Variants in TMEM275 observed in about 807,000 individuals in gnomAD.
The protein encoded by TMEM275 is transmembrane protein 275.
Position 46,533,335 on chromosome 1 carries a change from C to T in TMEM275, c.193G>A (p.Val65Met), listed in dbSNP as rs980071686. 8 of 373,976 alleles carry T rather than the reference C, an allele frequency of 2.1e-5. No individual in the cohort carries two copies. The highest frequency in any genetic ancestry group is 1.3e-4 in the South Asian group (1 of 7,706). The allele number at this position is 373,976 out of a possible 1,614,324, so 23.2% of individuals were successfully genotyped here. ...GCCAGCACCAGCAGCGCCAGCCCCA[C>T]GACGAGCAGCGCGTTGTGCTCGGGC... Residue 65 changes from valine (V) to methionine (M), a missense_variant, in exon 2 of 2, where the codon GTG (valine) becomes ATG (methionine). By Grantham distance (21) the Val-to-Met change is conservative (BLOSUM62 1). Transcript: ENST00000634804. The surrounding 1 kb of genome is among the most constrained non-coding windows in gnomAD (Gnocchi z 4.4).
At chr1:46,534,924 G>A (rs3737740) in intron 1 of TMEM275, among the ~76,000 whole-genome samples, 187 bp downstream of exon 1, 28,660 of 152,100 alleles carry the variant, frequency 0.19, 2,791 homozygotes, top group Admixed American at 0.26. Context: ...CCACCTCATA[G>A]GGTACAGTGA....
rs12730970 is a variant in TMEM275, at chr1:46,533,257, G to C, written c.271C>G (p.Arg91Gly). The change falls in exon 2 of 2, where the codon CGT (arginine) becomes GGT (glycine). Residue 91 changes from arginine to glycine, a missense_variant. Physicochemically the swap from Arg to Gly is moderately radical, Grantham distance 125. Coordinates refer to ENST00000634804, the Ensembl canonical transcript of TMEM275. This position sits in a 1 kb window ranked among gnomAD's most constrained non-coding sequence, Gnocchi z 4.4. ...CCCGCCGCGGCCGCCGAGCGCCCACGGGGCGCGAGGCCCCGGCGGCTACAC... is the reference window on the plus strand; with the variant it reads ...CCCGCCGCGGCCGCCGAGCGCCCACCGGGCGCGAGGCCCCGGCGGCTACAC... The C allele has an allele frequency of 1.3e-4, 43 of 339,368 alleles. 1 individual carries two copies. Among genetic ancestry groups the C allele is most frequent in the African/African-American group, 7.8e-4 (36 of 46,196 alleles). The allele number at this position is 339,368 out of a possible 1,614,324, so 21.0% of individuals were successfully genotyped here. A position where few individuals can be genotyped will look rare whatever the true frequency, so the allele number is the denominator to read the frequency against.
At chr1:46,534,403 A>G (rs913563939) in intron 1 of TMEM275, among the ~76,000 whole-genome samples, 52 bp downstream of exon 2, 2 of 152,142 alleles carry the variant, frequency 1.3e-5, no homozygotes, top group Non-Finnish European at 2.9e-5. Flanking sequence ...GAGCAGATCT[A>G]AAGCACCAGG....
At chr1:46,535,021 G>C (rs538998875) in intron 1 of TMEM275, among the ~76,000 whole-genome samples, 90 bp downstream of exon 1, 18 of 152,360 alleles carry the variant, frequency 1.2e-4, no homozygotes, top group African/African-American at 3.8e-4. Flanking sequence ...CTGGTTGACA[G>C]AGAAGGGAGT....
intron 1 of TMEM275, among the ~76,000 whole-genome samples, 38 bp downstream of exon 1, chr1:46,535,073 G>T (rs889236585): frequency 5.3e-5 from 8 of 152,194 alleles, no homozygotes; most frequent in African/African-American, 1.9e-4. Flanking sequence ...GTTGGTTTTG[G>T]AAACAGAAAA....
rs1569916935 is a variant in TMEM275 at position 46,533,560 on chromosome 1, C to T, written c.-33G>A. 5.2e-6 allele frequency: 2 copies of T among 387,510 alleles called. No individual in the cohort carries two copies. Among genetic ancestry groups the T allele is most frequent in the Non-Finnish European group, 4.6e-6 (1 of 218,882 alleles). 24.0% of individuals were successfully genotyped at this position (387,510 alleles called of 1,614,324 possible). A position where few individuals can be genotyped will look rare whatever the true frequency, so the allele number is the denominator to read the frequency against. On this transcript the variant is annotated 5_prime_UTR_variant, in exon 2 of 2. Transcript: ENST00000634804. This position sits in a 1 kb window ranked among gnomAD's most constrained non-coding sequence, Gnocchi z 4.4. ...CGCACGCCAGGCACGCATCAAGCTC[C>T]CTCCTGCCGCCGGCCCGGAACAGCC...
In TMEM275 at chr1:46,533,940, T is replaced by C. The variant is rs1460389689; in HGVS notation, c.-123-290A>G. On this transcript the variant is annotated intron_variant, in intron 1 of 1. Transcript: ENST00000634804. The surrounding 1 kb of genome is among the most constrained non-coding windows in gnomAD (Gnocchi z 4.4). ...ACCCCTCTCCTCCAGGAAGCCTACC[T>C]GAACTCATTTGAGTGAGATAGTGGC... Among the ~76,000 whole-genome samples the C allele has an allele frequency of 6.6e-6, 1 of 152,188 alleles. No homozygotes were observed. Among genetic ancestry groups the C allele is most frequent in the Admixed American group, 6.5e-5 (1 of 15,286 alleles).
rs956484763 is a variant in TMEM275, at chr1:46,533,938, C to T, written c.-123-288G>A. On this transcript the variant is annotated intron_variant, in intron 1 of 1. Coordinates refer to ENST00000634804, the Ensembl canonical transcript of TMEM275. The surrounding 1 kb of genome is among the most constrained non-coding windows in gnomAD (Gnocchi z 4.4). Reference sequence around the variant, plus strand: ...CAACCCCTCTCCTCCAGGAAGCCTACCTGAACTCATTTGAGTGAGATAGTG... The same window carrying T: ...CAACCCCTCTCCTCCAGGAAGCCTATCTGAACTCATTTGAGTGAGATAGTG... Among the ~76,000 whole-genome samples the T allele has an allele frequency of 9.2e-5, 14 of 152,200 alleles. No homozygotes were observed. The highest frequency in any genetic ancestry group is 1.6e-4 in the Non-Finnish European group (11 of 68,034).
In TMEM275 at chr1:46,533,262, G is replaced by A; in HGVS notation, c.266C>T (p.Ala89Val). The A allele has an allele frequency of 2.9e-6, 1 of 341,190 alleles. No homozygotes were observed. Among genetic ancestry groups the A allele is most frequent in the Non-Finnish European group, 5.3e-6 (1 of 189,184 alleles). The allele number at this position is 341,190 out of a possible 1,614,324, so 21.1% of individuals were successfully genotyped here. The change falls in exon 2 of 2, where the codon GCG becomes GTG. Residue 89 changes from alanine (A) to valine (V), a missense_variant. By Grantham distance (64) the Ala-to-Val change is moderately conservative (BLOSUM62 0). Coordinates refer to ENST00000634804, the Ensembl canonical transcript of TMEM275. The surrounding 1 kb of genome is among the most constrained non-coding windows in gnomAD (Gnocchi z 4.4). The stretch of plus-strand genomic sequence containing the variant: ...CGCGGCCGCCGAGCGCCCACGGGGC[G>A]CGAGGCCCCGGCGGCTACACACGCA...
chr1:46,532,855 G>A, exon 2 of TMEM275: 1 of 384,566 alleles, frequency 2.6e-6, no homozygotes. Context: ...CCCAGCACCA[G>A]ACCCTTGTAA....
chr1:46,534,266 A>C (rs1666710366), intron 1 of TMEM275, among the ~76,000 whole-genome samples, 189 bp downstream of exon 2: 1 of 152,096 alleles, frequency 6.6e-6, no homozygotes, highest in African/African-American at 2.4e-5. Context: ...TAGGCATAGC[A>C]ATGACACTGA....
Position 46,533,241 on chromosome 1 carries a change from G to A in TMEM275, c.287C>T (p.Ala96Val). 9.1e-6 allele frequency: 3 copies of A among 329,740 alleles called. 1 individual carries two copies. Among genetic ancestry groups the A allele is most frequent in the Non-Finnish European group, 1.6e-5 (3 of 182,858 alleles). 20.4% of individuals were successfully genotyped at this position (329,740 alleles called of 1,614,324 possible). The change falls in exon 2 of 2, where the codon GCC becomes GTC. Residue 96 changes from alanine (A) to valine (V), a missense_variant. Ala to Val is a moderately conservative substitution (Grantham distance 64, BLOSUM62 0). Transcript: ENST00000634804. This position sits in a 1 kb window ranked among gnomAD's most constrained non-coding sequence, Gnocchi z 4.4. ...GCCACCCTGGCCCGGGCCCGCCGCG[G>A]CCGCCGAGCGCCCACGGGGCGCGAG... is the stretch of plus-strand genomic sequence containing the variant.
At position 46,533,015 on chromosome 1, in the gene TMEM275, G is replaced by C. The variant is rs1040002848; in HGVS notation, c.513C>G (p.Pro171=). The change falls in exon 2 of 2, where the codon CCC becomes CCG. Residue 171 remains proline, a synonymous_variant. Transcript: ENST00000634804. The surrounding 1 kb of genome is among the most constrained non-coding windows in gnomAD (Gnocchi z 4.4). The stretch of plus-strand genomic sequence containing the variant: ...TCCGCTAGGGGGCGGCGCGCGCCCG[G>C]GGTGGGTTGAGCTGGACTCCTTCCG... The C allele has an allele frequency of 1.3e-5, 5 of 396,386 alleles. No homozygotes were observed. The highest frequency in any genetic ancestry group is 1.0e-4 in the African/African-American group (5 of 48,516). 24.6% of individuals were successfully genotyped at this position (396,386 alleles called of 1,614,324 possible).
Position 46,533,413 on chromosome 1 carries a change from C to A in TMEM275, c.115G>T (p.Ala39Ser), listed in dbSNP as rs1666696467. 1 of 379,202 alleles carries A rather than the reference C, an allele frequency of 2.6e-6. No homozygotes were observed. The highest frequency in any genetic ancestry group is 1.3e-4 in the South Asian group (1 of 7,728). 23.5% of individuals were successfully genotyped at this position (379,202 alleles called of 1,614,324 possible). A position where few individuals can be genotyped will look rare whatever the true frequency, so the allele number is the denominator to read the frequency against. The change falls in exon 2 of 2, where the codon GCG (alanine) becomes TCG (serine). Residue 39 changes from alanine to serine, a missense_variant. By Grantham distance (99) the Ala-to-Ser change is moderately conservative (BLOSUM62 1). Coordinates refer to ENST00000634804, the Ensembl canonical transcript of TMEM275. The surrounding 1 kb of genome is among the most constrained non-coding windows in gnomAD (Gnocchi z 4.4). ...GTCACGTTCACGCCCGCCAGCAGCG[C>A]GCACAGACCGCAGGCGCAGCACAGC...
rs1338412245 is a variant in TMEM275, at chr1:46,533,421, C to T, written c.107G>A (p.Gly36Asp). The change falls in exon 2 of 2, where the codon GGT becomes GAT. Residue 36 changes from glycine (G) to aspartate (D), a missense_variant. Transcript: ENST00000634804. This position sits in a 1 kb window ranked among gnomAD's most constrained non-coding sequence, Gnocchi z 4.4. ...CACGCCCGCCAGCAGCGCGCACAGA[C>T]CGCAGGCGCAGCACAGCGCCGGCGA... The T allele has an allele frequency of 4.2e-5, 16 of 379,958 alleles. No homozygotes were observed. The highest frequency in any genetic ancestry group is 7.0e-5 in the Non-Finnish European group (15 of 214,022). 23.5% of individuals were successfully genotyped at this position (379,958 alleles called of 1,614,324 possible). A position where few individuals can be genotyped will look rare whatever the true frequency, so the allele number is the denominator to read the frequency against.
chr1:46,534,636 G>A lies in TMEM275; in HGVS notation c.-123-986C>T, dbSNP rs184520737. 1.3e-3 allele frequency among the ~76,000 whole-genome samples: 203 copies of A among 152,308 alleles called. 2 individuals are homozygous for A. The highest frequency in any genetic ancestry group is 4.0e-3 in the Admixed American group (61 of 15,298). On this transcript the variant is annotated intron_variant, in intron 1 of 1. Transcript: ENST00000634804. ...ATAAAATTAGAGTCTAGGGATTTAT[G>A]ATTTCTATTTGAGAATTCTGTTCTA...
rs549885893 is a variant in TMEM275, at chr1:46,533,476, G to C, written c.52C>G (p.Arg18Gly). The change falls in exon 2 of 2, where the codon CGC becomes GGC. Residue 18 changes from arginine (R) to glycine (G), a missense_variant. Coordinates refer to ENST00000634804, the Ensembl canonical transcript of TMEM275. This position sits in a 1 kb window ranked among gnomAD's most constrained non-coding sequence, Gnocchi z 4.4. The stretch of plus-strand genomic sequence containing the variant: ...AGGCCGGGCACCCGGCCCCGGGCGC[G>C]TTCCGCGGGCGCCGGGACCGGTGGC... The C allele has an allele frequency of 1.4e-3, 554 of 388,338 alleles. 6 individuals are homozygous for C. The highest frequency in any genetic ancestry group is 0.011 in the African/African-American group (515 of 48,126). 24.1% of individuals were successfully genotyped at this position (388,338 alleles called of 1,614,324 possible).
rs1666701096 is a variant in TMEM275 at position 46,533,575 on chromosome 1, C to G, written c.-48G>C. On this transcript the variant is annotated 5_prime_UTR_variant, in exon 2 of 2. Transcript: ENST00000634804. This position sits in a 1 kb window ranked among gnomAD's most constrained non-coding sequence, Gnocchi z 4.4. ...CATCAAGCTCCCTCCTGCCGCCGGC[C>G]CGGAACAGCCCAACTGCCAGGAGCC... 2.6e-6 allele frequency: 1 copy of G among 385,294 alleles called. No individual in the cohort carries two copies. The highest frequency in any genetic ancestry group is 3.7e-5 in the East Asian group (1 of 26,980). 23.9% of individuals were successfully genotyped at this position (385,294 alleles called of 1,614,324 possible).
In TMEM275 at chr1:46,533,059, C is replaced by A. The variant is rs1028482269; in HGVS notation, c.469G>T (p.Ala157Ser). 16 of 395,342 alleles carry A rather than the reference C, an allele frequency of 4.0e-5. No individual in the cohort carries two copies. The Admixed American group carries it at 4.4e-4, about 11-fold the overall frequency. The allele number at this position is 395,342 out of a possible 1,614,324, so 24.5% of individuals were successfully genotyped here. A position where few individuals can be genotyped will look rare whatever the true frequency, so the allele number is the denominator to read the frequency against. The change falls in exon 2 of 2, where the codon GCC (alanine) becomes TCC (serine). Residue 157 changes from alanine to serine, a missense_variant. By Grantham distance (99) the Ala-to-Ser change is moderately conservative. Transcript: ENST00000634804. The surrounding 1 kb of genome is among the most constrained non-coding windows in gnomAD (Gnocchi z 4.4). ...CCTTCCGAGCGCAGCGCGCAGACGG[C>A]CGCGGGCGCCGGGGCCTCCAGGGCG... is the stretch of plus-strand genomic sequence containing the variant.
Sources: gnomAD v4.1 joint callset for allele counts (sites outside exome capture counted in the v4.1 genomes callset) on GRCh38, gnomAD v4.1.1 for gene constraint, Gnocchi (gnomAD v3.1) non-coding constraint, MANE v1.5 for transcripts, NCBI Gene and HGNC (gene_info 2026-07-23, HGNC 2026-07-21) for gene names.